Variants in CDH4 observed in about 807,000 individuals in gnomAD.
The protein encoded by CDH4 is cadherin-4.
A neutral mutation model predicts 86.0 loss-of-function variants in CDH4; 33 were observed. The ratio of observed to expected loss-of-function variants is 0.38; its 90% CI spans 0.29 to 0.51. CDH4 has a LOEUF of 0.51. Ranked by LOEUF, CDH4 falls within the 20% of genes least tolerant of loss-of-function variation. CDH4 has a pLI of 0.86. For missense variants in CDH4, 1,114 were observed against 1,307.4 expected (o/e 0.85, Z 2.28); for synonymous variants, 555 against 549.4 (o/e 1.01, Z -0.14).
intron 2 of CDH4, among the ~76,000 whole-genome samples, chr20:61,730,954 G>A (rs1040016638): frequency 5.4e-5 from 8 of 147,530 alleles, no homozygotes; most frequent in African/African-American, 1.2e-4. Context: ...CGGCTCCCAC[G>A]TGGAAGGTAG....
intron 2 of CDH4, among the ~76,000 whole-genome samples, chr20:61,402,727 T>C (rs1270617192): frequency 6.6e-6 from 1 of 152,120 alleles, no homozygotes; most frequent in East Asian, 1.9e-4. Flanking sequence ...CAATCAGCAG[T>C]CGGTTGAATC....
At chr20:61,659,037 C>A (rs538284325) in intron 2 of CDH4, among the ~76,000 whole-genome samples, 1 of 152,286 alleles carries the variant, frequency 6.6e-6, no homozygotes, top group South Asian at 2.1e-4. Context: ...TGAGAATCAA[C>A]CTCATACTCC....
intron 2 of CDH4, among the ~76,000 whole-genome samples, chr20:61,308,865 C>T (rs34877317): frequency 0.044 from 6,746 of 152,244 alleles, 198 homozygotes; most frequent in African/African-American, 0.069. Flanking sequence ...TTTACTTAAG[C>T]CCTGATCAAA....
At chr20:61,440,470 T>C (rs992808230) in intron 2 of CDH4, among the ~76,000 whole-genome samples, 1 of 152,238 alleles carries the variant, frequency 6.6e-6, no homozygotes, top group Non-Finnish European at 1.5e-5. Context: ...AAGTTAGCAT[T>C]TAGTTGCAGT....
chr20:61,584,939 A>G (rs534087300), intron 2 of CDH4, among the ~76,000 whole-genome samples: 1 of 152,300 alleles, frequency 6.6e-6, no homozygotes, highest in African/African-American at 2.4e-5. Flanking sequence ...TCCTAGGAGC[A>G]GGGGCATTTC....
chr20:61,574,496 C>A (rs114693272), intron 2 of CDH4, among the ~76,000 whole-genome samples: 2,336 of 152,350 alleles, frequency 0.015, 62 homozygotes, highest in African/African-American at 0.053. Flanking sequence ...CCCCCACCCC[C>A]CTTTCTCCTT....
In CDH4 at chr20:61,252,774, G is replaced by A. The variant is rs1020053836; in HGVS notation, c.57+204G>A. ...GGAAGCCGCCTGGGCAGCGGGGAGCGGCGGAGCAGGGTGGGAGTGGGGCTC... is the reference window on the plus strand; with the variant it reads ...GGAAGCCGCCTGGGCAGCGGGGAGCAGCGGAGCAGGGTGGGAGTGGGGCTC... On this transcript the variant is annotated intron_variant, in intron 1 of 15. Coordinates refer to ENST00000614565, the MANE Select transcript of CDH4 (RefSeq NM_001794.5). This position sits in a 1 kb window ranked among gnomAD's most constrained non-coding sequence, Gnocchi z 4.4. Among the ~76,000 whole-genome samples the A allele has an allele frequency of 5.9e-5, 9 of 151,702 alleles. No homozygotes were observed. The highest frequency in any genetic ancestry group is 1.2e-4 in the Non-Finnish European group (8 of 67,838).
chr20:61,756,226 G>C (rs1240272629), intron 3 of CDH4, among the ~76,000 whole-genome samples: 1 of 152,150 alleles, frequency 6.6e-6, no homozygotes, highest in Non-Finnish European at 1.5e-5. Context: ...TCCTGGGCCT[G>C]CACCTGAGCT....
At chr20:61,323,399 C>CAT (rs1363059065) in intron 2 of CDH4, among the ~76,000 whole-genome samples, 4 of 152,322 alleles carry the variant, frequency 2.6e-5, no homozygotes, top group African/African-American at 9.6e-5. Context: ...CTCCACCAGG[C>CAT]ATTCATGGCT....
chr20:61,890,704 A>G (rs1984783108), intron 7 of CDH4, among the ~76,000 whole-genome samples: 2 of 152,192 alleles, frequency 1.3e-5, no homozygotes, highest in South Asian at 2.1e-4. Context: ...AAAGTAGGAT[A>G]TAGCACCCAA....
intron 2 of CDH4, among the ~76,000 whole-genome samples, chr20:61,426,253 A>G (rs970817489): frequency 1.3e-5 from 2 of 152,184 alleles, no homozygotes; most frequent in Non-Finnish European, 1.5e-5. Flanking sequence ...GCTTTAATCT[A>G]GCTGATAAAA....
rs1295137799 is a variant in CDH4, at chr20:61,583,156, GACA to G, written c.170-160406_170-160404del. Among the ~76,000 whole-genome samples the G allele has an allele frequency of 8.3e-4, 101 of 121,944 alleles. 1 individual carries two copies. The highest frequency in any genetic ancestry group is 1.2e-3 in the Non-Finnish European group (67 of 55,248). 80.0% of individuals were successfully genotyped at this position (121,944 alleles called of 152,430 possible). On this transcript the variant is annotated intron_variant, in intron 2 of 15. Transcript: ENST00000614565. ...GGGGGGACAGAGGGCTCTGCGGAGG[GACA>G]GAGGGCTCTGCGGGGGGGACAGAGG...
chr20:61,712,611 C>G (rs1301413699), intron 2 of CDH4, among the ~76,000 whole-genome samples: 1 of 152,170 alleles, frequency 6.6e-6, no homozygotes, highest in African/African-American at 2.4e-5. Flanking sequence ...GATCAAATAA[C>G]TGTGGTGCAA....
chr20:61,834,128 C>T (rs1981754734), intron 4 of CDH4, among the ~76,000 whole-genome samples: 2 of 152,198 alleles, frequency 1.3e-5, no homozygotes, highest in South Asian at 2.1e-4. Context: ...CAAGGGTGGG[C>T]CGGGGTGATT....
chr20:61,870,960 G>A (rs1983777244), intron 6 of CDH4, among the ~76,000 whole-genome samples: 1 of 151,954 alleles, frequency 6.6e-6, no homozygotes, highest in East Asian at 1.9e-4. Context: ...AGTTATTTTT[G>A]TTTATACAAG....
At position 61,807,907 on chromosome 20, in the gene CDH4, G is replaced by A. The variant is rs1168239101; in HGVS notation, c.576+34725G>A. Among the ~76,000 whole-genome samples, 9 of 152,238 alleles carry A rather than the reference G, an allele frequency of 5.9e-5. No individual in the cohort carries two copies. Among genetic ancestry groups the A allele is most frequent in the Admixed American group, 5.2e-4 (8 of 15,294 alleles). On this transcript the variant is annotated intron_variant, in intron 4 of 15. Transcript: ENST00000614565. This position sits in a 1 kb window ranked among gnomAD's most constrained non-coding sequence, Gnocchi z 4.5. ...CAGGCTGTGGGCCTGGCGGGATGCA[G>A]GCACAGCGCGATCCAGCACAGTGCT...
At chr20:61,376,257 G>C (rs1379636072) in intron 2 of CDH4, among the ~76,000 whole-genome samples, 1 of 152,054 alleles carries the variant, frequency 6.6e-6, no homozygotes, top group Non-Finnish European at 1.5e-5. Flanking sequence ...TAGTGGTGGT[G>C]ATGTGCTTTG....
intron 2 of CDH4, among the ~76,000 whole-genome samples, chr20:61,571,108 C>T (rs182894777): frequency 6.6e-4 from 100 of 152,276 alleles, no homozygotes; most frequent in Middle Eastern, 3.4e-3. Context: ...CCCACATCCT[C>T]GGCGTGGCTG....
intron 4 of CDH4, among the ~76,000 whole-genome samples, chr20:61,843,948 G>T (rs1982303819): frequency 6.6e-6 from 1 of 152,178 alleles, no homozygotes; most frequent in Non-Finnish European, 1.5e-5. Context: ...CTCACCTGTG[G>T]TGGGCTGGTG....
Sources: allele counts gnomAD v4.1 joint callset (sites outside exome capture counted in the v4.1 genomes callset), GRCh38; gene constraint gnomAD v4.1.1; non-coding constraint Gnocchi (gnomAD v3.1); transcripts MANE v1.5; gene names NCBI Gene and HGNC (gene_info 2026-07-23, HGNC 2026-07-21).